Variants in SUGCT observed in about 807,000 individuals in gnomAD.
SUGCT encodes the protein succinyl-CoA:glutarate-CoA transferase.
SUGCT carries 41 observed loss-of-function variants against 55.0 expected under a neutral mutation model. The observed-to-expected ratio is 0.74, with a 90% confidence interval of 0.58 to 0.97. The LOEUF is 0.97. Among genes scored for constraint, SUGCT ranks in the 50% least tolerant of loss-of-function variants. The probability of loss-of-function intolerance (pLI) is 0.00; values close to 1 mark genes in which losing one functional copy is unlikely to be tolerated. For missense variants in SUGCT, 568 were observed against 547.8 expected, an observed-to-expected ratio of 1.04 and a Z score of -0.37; for synonymous variants, 187 against 200.4, an observed-to-expected ratio of 0.93 and a Z score of 0.56.
chr7:40,310,108 A>G (rs576928768), intron 8 of SUGCT, among the ~76,000 whole-genome samples: 54 of 152,292 alleles, frequency 3.5e-4, no homozygotes, highest in African/African-American at 1.2e-3. Context: ...AAAAAGAGTA[A>G]TCTTACAGCA....
the SUGCT span, among the ~76,000 whole-genome samples, chr7:41,010,688 G>T: frequency 6.6e-6 from 1 of 152,184 alleles, no homozygotes; most frequent in Non-Finnish European, 1.5e-5. Flanking sequence ...GCAAGCCACC[G>T]GAGGGCCATG....
intron 12 of SUGCT, among the ~76,000 whole-genome samples, chr7:40,665,863 C>T (rs1227051992): frequency 2.6e-5 from 4 of 151,480 alleles, no homozygotes; most frequent in East Asian, 2.0e-4. Context: ...ATAGGTGTGC[C>T]GGTAAGTATA....
chr7:40,246,002 T>G (rs1789849479), intron 7 of SUGCT, among the ~76,000 whole-genome samples: 1 of 152,036 alleles, frequency 6.6e-6, no homozygotes, highest in African/African-American at 2.4e-5. Flanking sequence ...GCTCAGCTAA[T>G]TTTTGTAGTT....
intron 9 of SUGCT, among the ~76,000 whole-genome samples, chr7:40,342,277 G>C (rs1351870398): frequency 6.6e-6 from 1 of 152,152 alleles, no homozygotes; most frequent in Non-Finnish European, 1.5e-5. Flanking sequence ...GACGAAAGGG[G>C]ACTTGAGAGA....
intron 6 of SUGCT, among the ~76,000 whole-genome samples, chr7:40,203,752 G>C (rs1308299641): frequency 6.6e-6 from 1 of 150,844 alleles, no homozygotes; most frequent in Non-Finnish European, 1.5e-5. Flanking sequence ...TCCAGCCTGG[G>C]CATCAGAGTG....
chr7:40,628,078 T>C (rs1379755302), intron 12 of SUGCT, among the ~76,000 whole-genome samples: 1 of 152,234 alleles, frequency 6.6e-6, no homozygotes, highest in Non-Finnish European at 1.5e-5. Flanking sequence ...CTTTGTGTAA[T>C]TTTGGTTGCT....
the SUGCT span, among the ~76,000 whole-genome samples, chr7:40,874,261 C>T: frequency 2.6e-5 from 4 of 152,142 alleles, no homozygotes; most frequent in African/African-American, 9.7e-5. Context: ...AAAGCTATAC[C>T]TTGTGAAGAT....
intron 9 of SUGCT, among the ~76,000 whole-genome samples, chr7:40,427,506 A>G (rs111599728): frequency 2.6e-5 from 4 of 152,248 alleles, no homozygotes; most frequent in African/African-American, 9.6e-5. Flanking sequence ...TTAATTGTTA[A>G]ATAGTTGTCT....
At chr7:40,769,993 A>C (rs564960620) in intron 13 of SUGCT, among the ~76,000 whole-genome samples, 1 of 152,210 alleles carries the variant, frequency 6.6e-6, no homozygotes, top group East Asian at 1.9e-4. Flanking sequence ...CCTTTATTTA[A>C]ATATGCATTT....
At position 40,370,996 on chromosome 7, in the gene SUGCT, C is replaced by T. The variant is rs926002971; in HGVS notation, c.816+54141C>T. Among the ~76,000 whole-genome samples, 12 of 152,182 alleles carry T rather than the reference C, an allele frequency of 7.9e-5. No individual in the cohort carries two copies. In the South Asian group the frequency reaches 1.2e-3, roughly 16 times the overall value. On this transcript the variant is annotated intron_variant, in intron 9 of 13. Transcript: ENST00000335693. The stretch of plus-strand genomic sequence containing the variant: ...GGAACTAATGCTCAGAGATATTACA[C>T]GACCTGGCCAGACTCATGTAACTAA...
chr7:40,790,814 C>T (rs113602166), intron 13 of SUGCT, among the ~76,000 whole-genome samples: 77 of 152,192 alleles, frequency 5.1e-4, no homozygotes, highest in Non-Finnish European at 1.5e-4. Flanking sequence ...TAGTAATGTA[C>T]TCTGTCTGTA....
At chr7:40,259,583 A>G (rs1434294864) in intron 7 of SUGCT, among the ~76,000 whole-genome samples, 4 of 152,220 alleles carry the variant, frequency 2.6e-5, no homozygotes, top group African/African-American at 9.6e-5. Context: ...CAATAAAAGA[A>G]GAAATACATG....
rs1491225270 is a variant in SUGCT, at chr7:40,377,128, C to CTTTCTTTCTT, written c.816+60274_816+60275insTTCTTTCTTT. Among the ~76,000 whole-genome samples the CTTTCTTTCTT allele has an allele frequency of 8.7e-3, 55 of 6,324 alleles. 14 individuals carry two copies. The highest frequency in any genetic ancestry group is 0.022 in the Admixed American group (6 of 272). The allele number at this position is 6,324 out of a possible 152,430, so 4.1% of individuals were successfully genotyped here. On this transcript the variant is annotated intron_variant, in intron 9 of 13. Coordinates refer to ENST00000335693, the MANE Select transcript of SUGCT (RefSeq NM_001193313.2). ...CTTGGAAAGGAAATTTTCAGCCTTC[C>CTTTCTTTCTT]TCTTTCTTTCTTTCTTTCTTTCTTT...
chr7:40,957,759 G>A, the SUGCT span, among the ~76,000 whole-genome samples: 36 of 152,034 alleles, frequency 2.4e-4, no homozygotes, highest in East Asian at 1.4e-3. Context: ...TCATAGTTTC[G>A]GTGGACTTTA....
At chr7:40,365,703 CA>C (rs1262975481) in intron 9 of SUGCT, among the ~76,000 whole-genome samples, 1 of 151,860 alleles carries the variant, frequency 6.6e-6, no homozygotes, top group Non-Finnish European at 1.5e-5. Context: ...ATCCAACTTA[CA>C]AGGGATGTGA....
At chr7:40,568,128 C>A (rs1324582499) in intron 12 of SUGCT, among the ~76,000 whole-genome samples, 2 of 152,132 alleles carry the variant, frequency 1.3e-5, no homozygotes, top group Admixed American at 6.5e-5. Flanking sequence ...TTCTGCATTT[C>A]TTTTCTTTTA....
chr7:40,826,487 G>A (rs980274235), intron 13 of SUGCT, among the ~76,000 whole-genome samples: 2 of 152,176 alleles, frequency 1.3e-5, no homozygotes, highest in African/African-American at 4.8e-5. Context: ...GAAATCAGAT[G>A]GAGAATGGGA....
At chr7:40,667,653 G>A (rs1002898785) in intron 12 of SUGCT, among the ~76,000 whole-genome samples, 3 of 150,984 alleles carry the variant, frequency 2.0e-5, no homozygotes, top group Non-Finnish European at 2.9e-5. Context: ...TAGGGTTTCA[G>A]TTTCTTCCTG....
intron 12 of SUGCT, among the ~76,000 whole-genome samples, chr7:40,649,479 T>A (rs1800673071): frequency 6.6e-6 from 1 of 152,246 alleles, no homozygotes; most frequent in African/African-American, 2.4e-5. Flanking sequence ...GCTTCTGTGA[T>A]CTCTAGCACT....
Sources: gnomAD v4.1 joint callset for allele counts (sites outside exome capture counted in the v4.1 genomes callset) on GRCh38, gnomAD v4.1.1 for gene constraint, MANE v1.5 for transcripts, NCBI Gene and HGNC (gene_info 2026-07-23, HGNC 2026-07-21) for gene names.